The following ZBTB38 variants were observed in gnomAD, a reference collection of about 807,000 sequenced individuals.
ZBTB38 encodes the protein zinc finger and BTB domain containing 38.
In ZBTB38, 20 loss-of-function variants were observed where a neutral mutation model predicts 76.8. The ratio of observed to expected loss-of-function variants is 0.26; its 90% CI spans 0.18 to 0.38. ZBTB38 has a LOEUF of 0.38. ZBTB38 is among the 10% of genes least tolerant of loss of function. ZBTB38 has a pLI of 1.00. For synonymous variants in ZBTB38, 504 were observed against 544.2 expected (o/e 0.93, Z 1.03); for missense variants, 1,082 against 1,482.3 (o/e 0.73, Z 4.43).
intron 5 of ZBTB38, among the ~76,000 whole-genome samples, chr3:141,420,985 G>A (rs557247542): frequency 2.8e-5 from 4 of 143,780 alleles, no homozygotes; most frequent in Admixed American, 1.4e-4. Flanking sequence ...CATAGGAGAG[G>A]AATAAAACAA....
chr3:141,413,716 C>A lies in ZBTB38; in HGVS notation c.-1+9685C>A, dbSNP rs1410034847. ...CTTGTTTTAAAGGAGAGCTGAGTGC[C>A]TCTGATAGAAAATCTGATTTCATGA... On this transcript the variant is annotated intron_variant, in intron 5 of 5. Coordinates refer to ENST00000321464, the MANE Select transcript of ZBTB38 (RefSeq NM_001376113.1). This position sits in a 1 kb window ranked among gnomAD's most constrained non-coding sequence, Gnocchi z 4.1. 6.6e-6 allele frequency among the ~76,000 whole-genome samples: 1 copy of A among 152,158 alleles called. No homozygotes were observed. The highest frequency in any genetic ancestry group is 1.5e-5 in the Non-Finnish European group (1 of 68,030).
intron 1 of ZBTB38, among the ~76,000 whole-genome samples, chr3:141,336,121 A>C (rs567482794): frequency 1.3e-5 from 2 of 152,332 alleles, no homozygotes; most frequent in Admixed American, 1.3e-4. Flanking sequence ...GGAACTGCTA[A>C]CCATGGGAGA....
chr3:141,362,323 C>A (rs1230268686), intron 1 of ZBTB38, among the ~76,000 whole-genome samples: 1 of 152,096 alleles, frequency 6.6e-6, no homozygotes, highest in Admixed American at 6.6e-5. Flanking sequence ...TCCCAAAATT[C>A]ACCCAAATGA....
upstream of ZBTB38, chr3:141,367,692 T>C (rs1944022727): frequency 6.6e-6 from 1 of 152,242 alleles, no homozygotes; most frequent in South Asian, 2.1e-4. Context: ...AGCATCCATT[T>C]CTTTCTCTAT....
Position 141,443,994 on chromosome 3 carries a change from A to G in ZBTB38, c.1606A>G (p.Lys536Glu). The part of the protein sequence containing the change: ...MTYYILKNHQ[K>E]SFHAIDHRLS... ...CTACTATATACTCAAAAATCATCAG[A>G]AGTCTTTCCATGCCATCGATCATAG... Residue 536 changes from lysine to glutamate, a missense_variant, in exon 6 of 6, where the codon AAG becomes GAG. Lys to Glu is a moderately conservative substitution (Grantham distance 56, BLOSUM62 1). Around this residue, in one of 8 missense-constraint regions of ZBTB38, gnomAD observed 60 missense variants for 126.0 expected, o/e 0.48. Transcript: ENST00000321464. The surrounding 1 kb of genome is among the most constrained non-coding windows in gnomAD (Gnocchi z 5.6). The G allele has an allele frequency of 6.2e-7, 1 of 1,614,160 alleles. No homozygotes were observed. The highest frequency in any genetic ancestry group is 1.1e-5 in the South Asian group (1 of 91,076).
chr3:141,443,303 T>G lies in ZBTB38; in HGVS notation c.915T>G (p.Thr305=). ...GTCCACAACCAGCTGCTGTTCTCAC[T>G]CGTTCAAAATCTCCAAACAATGAAG... ...ERSPQPAAVL[T]RSKSPNNEGD... The change falls in exon 6 of 6, where the codon ACT becomes ACG. Residue 305 remains threonine (T), a synonymous_variant. Coordinates refer to ENST00000321464, the MANE Select transcript of ZBTB38 (RefSeq NM_001376113.1). The surrounding 1 kb of genome is among the most constrained non-coding windows in gnomAD (Gnocchi z 5.6). The G allele has an allele frequency of 6.2e-7, 1 of 1,614,170 alleles. No individual in the cohort carries two copies. Among genetic ancestry groups the G allele is most frequent in the Non-Finnish European group, 8.5e-7 (1 of 1,180,018 alleles).
At chr3:141,364,320 G>GT (rs1559921367), upstream of ZBTB38, among the ~76,000 whole-genome samples, 3 of 151,002 alleles carry the variant, frequency 2.0e-5, no homozygotes, top group South Asian at 6.3e-4. Flanking sequence ...AGATAATATT[G>GT]TAAAATATAT....
chr3:141,376,123 C>T (rs913251645), intron 2 of ZBTB38, among the ~76,000 whole-genome samples: 20 of 152,192 alleles, frequency 1.3e-4, no homozygotes, highest in East Asian at 5.8e-4. Flanking sequence ...TCTGACTGCC[C>T]GGCTTCCTCT....
intron 1 of ZBTB38, among the ~76,000 whole-genome samples, chr3:141,336,282 G>A (rs1943013899): frequency 6.6e-6 from 1 of 151,924 alleles, no homozygotes; most frequent in Non-Finnish European, 1.5e-5. Flanking sequence ...ACTCTAAATG[G>A]GAGATGTCAA....
intron 2 of ZBTB38, among the ~76,000 whole-genome samples, chr3:141,373,900 TG>T (rs1944981837): frequency 6.6e-6 from 1 of 151,974 alleles, no homozygotes; most frequent in Non-Finnish European, 1.5e-5. Context: ...GAGGCTGAGG[TG>T]CGCAGATTGC....
At chr3:141,346,940 A>G (rs1356772717) in intron 1 of ZBTB38, among the ~76,000 whole-genome samples, 1 of 152,132 alleles carries the variant, frequency 6.6e-6, no homozygotes, top group Admixed American at 6.6e-5. Flanking sequence ...CCTGGTGGAA[A>G]TTACTGAGGG....
At chr3:141,381,321 A>G (rs1016296721) in intron 2 of ZBTB38, 104 bp from the exon 3 acceptor site, 1 of 152,164 alleles carries the variant, frequency 6.6e-6, no homozygotes, top group Non-Finnish European at 1.5e-5. Context: ...TTGGGTTAGG[A>G]TGGGTTGAGA....
chr3:141,329,635 G>A (rs1394469178), intron 1 of ZBTB38, among the ~76,000 whole-genome samples: 1 of 152,200 alleles, frequency 6.6e-6, no homozygotes, highest in Admixed American at 6.5e-5. Context: ...CCAGAGGTTA[G>A]GGACAGGGGA....
intron 5 of ZBTB38, among the ~76,000 whole-genome samples, chr3:141,433,714 T>C (rs1488105260): frequency 6.6e-6 from 1 of 152,234 alleles, no homozygotes; most frequent in Non-Finnish European, 1.5e-5. Context: ...GAAAGACAGC[T>C]AGATTTTCAT....
chr3:141,327,980 G>T (rs1431063182), intron 1 of ZBTB38, among the ~76,000 whole-genome samples: 1 of 152,170 alleles, frequency 6.6e-6, no homozygotes, highest in Non-Finnish European at 1.5e-5. Context: ...TCATGCCTCT[G>T]GTGGCTGCTG....
intron 5 of ZBTB38, among the ~76,000 whole-genome samples, chr3:141,411,734 G>T (rs186283295): frequency 1.3e-3 from 192 of 152,322 alleles, no homozygotes; most frequent in African/African-American, 4.4e-3. Context: ...AATTTTTCCT[G>T]TGAAGGTCTA....
At chr3:141,334,899 G>T (rs948199336) in intron 1 of ZBTB38, among the ~76,000 whole-genome samples, 2 of 152,188 alleles carry the variant, frequency 1.3e-5, no homozygotes, top group Non-Finnish European at 2.9e-5. Flanking sequence ...TAATCTTTCA[G>T]ATCATCTTTC....
At chr3:141,363,360 C>T (rs936703246) in intron 1 of ZBTB38, among the ~76,000 whole-genome samples, 7 of 152,178 alleles carry the variant, frequency 4.6e-5, no homozygotes, top group African/African-American at 1.7e-4. Context: ...TCTATCAAAA[C>T]CCCAGCTGTA....
intron 5 of ZBTB38, among the ~76,000 whole-genome samples, chr3:141,412,287 C>A (rs1956929772): frequency 1.3e-5 from 2 of 152,128 alleles, no homozygotes; most frequent in South Asian, 4.1e-4. Context: ...AAGGCAAGTG[C>A]CTCGTATTCC....
Sources: allele counts gnomAD v4.1 joint callset (sites outside exome capture counted in the v4.1 genomes callset), GRCh38; gene constraint gnomAD v4.1.1; regional missense constraint gnomAD v4.1.1; non-coding constraint Gnocchi (gnomAD v3.1); transcripts MANE v1.5; gene names NCBI Gene and HGNC (gene_info 2026-07-23, HGNC 2026-07-21).